ZNF143: variants seen among roughly 807,000 people sequenced by gnomAD.
ZNF143 encodes the protein zinc finger protein 143.
A neutral mutation model predicts 74.1 loss-of-function variants in ZNF143; 49 were observed. The observed-to-expected ratio is 0.66, with a 90% CI of 0.53 to 0.84. ZNF143 has a LOEUF of 0.84. ZNF143 is among the 40% of genes least tolerant of loss of function. ZNF143 has a pLI of 0.00. For missense variants in ZNF143, 637 were observed against 793.4 expected, an observed-to-expected ratio of 0.80 and a Z score of 2.37; for synonymous variants, 304 against 282.8, an observed-to-expected ratio of 1.07 and a Z score of -0.75.
intron 7 of ZNF143, among the ~76,000 whole-genome samples, chr11:9,480,762 C>G (rs1391604594): frequency 6.6e-6 from 1 of 151,786 alleles, no homozygotes; most frequent in Non-Finnish European, 1.5e-5. Flanking sequence ...TGGCTAGTGC[C>G]TATAATCCTA....
At chr11:9,511,099 C>CTTT (rs1462806393) in intron 12 of ZNF143, among the ~76,000 whole-genome samples, 1 of 124,888 alleles carries the variant, frequency 8.0e-6, no homozygotes, top group Admixed American at 8.3e-5. Context: ...CTTTTAACAG[C>CTTT]TTCTTTTTTT....
chr11:9,521,057 TC>T (rs1389699922), intron 14 of ZNF143, among the ~76,000 whole-genome samples: 1 of 152,154 alleles, frequency 6.6e-6, no homozygotes, highest in Non-Finnish European at 1.5e-5. Context: ...TCCCTTACAC[TC>T]CCTGCCCCCA....
chr11:9,486,433 ATATATAATATATTATATAT>A (rs1565039417), intron 7 of ZNF143, among the ~76,000 whole-genome samples: 7 of 47,016 alleles, frequency 1.5e-4, no homozygotes, highest in Non-Finnish European at 3.0e-4. Flanking sequence ...TATATATTAT[ATATATAATATATTATATAT>A]ATTATATATA....
At chr11:9,492,512 G>T (rs547403003) in intron 7 of ZNF143, among the ~76,000 whole-genome samples, 2 of 152,114 alleles carry the variant, frequency 1.3e-5, no homozygotes, top group Non-Finnish European at 2.9e-5. Context: ...CTCCCAAAGT[G>T]CTGAGATTAC....
intron 7 of ZNF143, among the ~76,000 whole-genome samples, chr11:9,490,315 G>T: frequency 9.6e-6 from 1 of 104,152 alleles, no homozygotes; most frequent in South Asian, 2.9e-4. Flanking sequence ...TTTTGAGACA[G>T]GGTCTCATTT....
At chr11:9,508,960 A>G in intron 12 of ZNF143, 114 bp downstream of exon 12, 2 of 1,105,362 alleles carry the variant, frequency 1.8e-6, no homozygotes, top group Non-Finnish European at 2.6e-6. Context: ...GTATAATCAC[A>G]TAAACATAAT....
Position 9,512,504 on chromosome 11 carries a change from G to A in ZNF143, c.1432G>A (p.Gly478Arg), listed in dbSNP as rs1285838355. 4 of 1,614,054 alleles carry A rather than the reference G, an allele frequency of 2.5e-6. No homozygotes were observed. Among genetic ancestry groups the A allele is most frequent in the Admixed American group, 3.3e-5 (2 of 59,996 alleles). The change falls in exon 13 of 16, where the codon GGG becomes AGG. Residue 478 changes from glycine to arginine, a missense_variant. Gly to Arg is a moderately radical substitution (Grantham distance 125, BLOSUM62 -2). This residue lies in a region of ZNF143 where 344 missense variants were observed against 485.6 expected (regional missense o/e 0.71). Coordinates refer to ENST00000396602, the MANE Select transcript of ZNF143 (RefSeq NM_003442.6). ...GATTACGTATGTTACAGGTGTAGAAGGGGACGACGTTGTTTCTACACAAGT... is the reference window on the plus strand; with the variant it reads ...GATTACGTATGTTACAGGTGTAGAAAGGGACGACGTTGTTTCTACACAAGT... Reference protein sequence around the residue: ...SQITYVTGVEGDDVVSTQVAT... With the variant: ...SQITYVTGVERDDVVSTQVAT...
intron 1 of ZNF143, among the ~76,000 whole-genome samples, chr11:9,463,559 C>G (rs931830673): frequency 2.6e-5 from 4 of 152,144 alleles, no homozygotes; most frequent in African/African-American, 9.7e-5. Context: ...CTGTGCCTAA[C>G]GATCATTTAT....
intron 5 of ZNF143, among the ~76,000 whole-genome samples, chr11:9,475,940 G>GTT (rs1225484064): frequency 2.1e-5 from 3 of 145,432 alleles, no homozygotes; most frequent in African/African-American, 5.0e-5. Flanking sequence ...GTGTGTGTGT[G>GTT]TGTGTGTGTG....
At chr11:9,468,967 C>G (rs927961259) in intron 1 of ZNF143, among the ~76,000 whole-genome samples, 1 of 151,892 alleles carries the variant, frequency 6.6e-6, no homozygotes, top group Non-Finnish European at 1.5e-5. Flanking sequence ...AACCCCACCT[C>G]TACTAAAAAT....
intron 7 of ZNF143, among the ~76,000 whole-genome samples, chr11:9,483,554 C>T (rs1440914636): frequency 6.7e-6 from 1 of 149,138 alleles, no homozygotes; most frequent in East Asian, 2.0e-4. Context: ...CTTGGCCTCC[C>T]AAAGTGCTGG....
At chr11:9,523,687 C>T (rs962768156) in intron 14 of ZNF143, among the ~76,000 whole-genome samples, 3 of 148,768 alleles carry the variant, frequency 2.0e-5, no homozygotes, top group Admixed American at 6.7e-5. Context: ...TGAGCCAAGA[C>T]GGCGCCACTG....
intron 7 of ZNF143, among the ~76,000 whole-genome samples, chr11:9,491,165 C>T (rs984903231): frequency 1.3e-5 from 2 of 152,076 alleles, no homozygotes; most frequent in South Asian, 2.1e-4. Context: ...ACGGAGGATT[C>T]CTTGAACCCA....
chr11:9,514,868 C>T (rs1848668832), intron 13 of ZNF143, among the ~76,000 whole-genome samples: 1 of 152,212 alleles, frequency 6.6e-6, no homozygotes, highest in Admixed American at 6.5e-5. Context: ...GTGGCCCATG[C>T]CTGTAATCCC....
At chr11:9,478,972 G>T (rs1318211762) in intron 6 of ZNF143, among the ~76,000 whole-genome samples, 1 of 152,140 alleles carries the variant, frequency 6.6e-6, no homozygotes, top group African/African-American at 2.4e-5. Flanking sequence ...AGGATGAAGG[G>T]CTATAAAAGA....
rs1253106732 is a variant in ZNF143, at chr11:9,479,531, A to G, written c.630A>G (p.Gln210=). 8 of 1,612,994 alleles carry G rather than the reference A, an allele frequency of 5.0e-6. No individual in the cohort carries two copies. In the Admixed American group the frequency reaches 1.3e-4, roughly 27 times the overall value. ...CTGGAATGATTGGAGAAAATGAGCA[A>G]GAGAAAAAAATGCAGGTATGTAAAG... The part of the protein sequence containing the change: ...AGTGMIGENE[Q]EKKMQIVLQG... Residue 210 remains glutamine (Q), a synonymous_variant, in exon 7 of 16, where the codon CAA becomes CAG. Transcript: ENST00000396602.
Position 9,512,445 on chromosome 11 carries a change from C to T in ZNF143, c.1376-3C>T, listed in dbSNP as rs958910066. ...AAATAAATGATTCATTTGTTTTAAACAGGTCAAGGTGAAGATGTTCTTAAA... is the reference window on the plus strand; with the variant it reads ...AAATAAATGATTCATTTGTTTTAAATAGGTCAAGGTGAAGATGTTCTTAAA... On this transcript the variant is annotated splice_region_variant and splice_polypyrimidine_tract_variant and intron_variant, in intron 12 of 15. Transcript: ENST00000396602. 2.5e-6 allele frequency: 4 copies of T among 1,609,550 alleles called. No individual in the cohort carries two copies. The African/African-American group carries it at 5.3e-5, about 22-fold the overall frequency.
intron 7 of ZNF143, among the ~76,000 whole-genome samples, chr11:9,483,750 CTTTTTTTT>C (rs753979043): frequency 8.0e-6 from 1 of 124,890 alleles, no homozygotes; most frequent in African/African-American, 3.0e-5. Flanking sequence ...GGCCGGAATT[CTTTTTTTT>C]TTTTTTTTTT....
intron 7 of ZNF143, among the ~76,000 whole-genome samples, chr11:9,493,140 GC>G (rs908809298): frequency 4.0e-5 from 6 of 150,650 alleles, no homozygotes; most frequent in African/African-American, 1.2e-4. Context: ...CATGATCTCG[GC>G]TCTCTGTAAC....
Sources: allele counts gnomAD v4.1 joint callset (sites outside exome capture counted in the v4.1 genomes callset), GRCh38; gene constraint gnomAD v4.1.1; regional missense constraint gnomAD v4.1.1; transcripts MANE v1.5; gene names NCBI Gene and HGNC (gene_info 2026-07-23, HGNC 2026-07-21).